The following GNAO1 variants were observed in gnomAD, a reference collection of about 807,000 sequenced individuals.
The protein encoded by GNAO1 is G protein subunit alpha o1, also known as guanine nucleotide-binding protein G(o) subunit alpha.
For synonymous variants in GNAO1, 164 were observed against 180.7 expected (o/e 0.91, Z 0.74); for missense variants, 166 against 478.7 (o/e 0.35, Z 6.10).
At chr16:56,274,528 G>T (rs1471243223) in intron 2 of GNAO1, among the ~76,000 whole-genome samples, 1 of 151,902 alleles carries the variant, frequency 6.6e-6, no homozygotes, top group East Asian at 1.9e-4. Flanking sequence ...TACGTCAACT[G>T]ATGACTGGAT....
At chr16:56,289,633 A>G (rs1303799582) in intron 3 of GNAO1, among the ~76,000 whole-genome samples, 1 of 152,210 alleles carries the variant, frequency 6.6e-6, no homozygotes, top group Non-Finnish European at 1.5e-5. Flanking sequence ...GATGGATTTC[A>G]GTAGCAGCTT....
intron 6 of GNAO1, chr16:56,347,125 G>T (rs750545247): frequency 5.5e-5 from 54 of 985,344 alleles, no homozygotes; most frequent in Non-Finnish European, 6.5e-5. Context: ...TGAGCACTCG[G>T]ACTGTTTCCT....
At chr16:56,249,765 T>A (rs1362631876) in intron 2 of GNAO1, among the ~76,000 whole-genome samples, 1 of 152,142 alleles carries the variant, frequency 6.6e-6, no homozygotes, top group East Asian at 1.9e-4. Flanking sequence ...CTGCAGCAGC[T>A]CCAGGCATTA....
intron 6 of GNAO1, among the ~76,000 whole-genome samples, chr16:56,350,596 C>T (rs1371920910): frequency 3.3e-5 from 5 of 152,178 alleles, no homozygotes; most frequent in Non-Finnish European, 7.4e-5. Flanking sequence ...CCACATCTGC[C>T]TTGCTTAGAA....
chr16:56,321,841 A>T lies in GNAO1; in HGVS notation c.304-6790A>T, dbSNP rs574476984. 2.0e-5 allele frequency among the ~76,000 whole-genome samples: 3 copies of T among 152,334 alleles called. No homozygotes were observed. In the East Asian group the frequency reaches 5.8e-4, roughly 29 times the overall value. On this transcript the variant is annotated intron_variant, in intron 3 of 8. Transcript: ENST00000262493. ...ACGCAGTGAGTTTTCTAAAGAAGTC[A>T]GCTCTAGCCGTCTGCCCCGCGTAAA...
At chr16:56,251,574 G>T (rs1430765873) in intron 2 of GNAO1, among the ~76,000 whole-genome samples, 1 of 152,194 alleles carries the variant, frequency 6.6e-6, no homozygotes, top group Non-Finnish European at 1.5e-5. Flanking sequence ...ACCCCAGGTG[G>T]TCAAGTGCAC....
intron 2 of GNAO1, among the ~76,000 whole-genome samples, chr16:56,257,176 G>C (rs572793699): frequency 6.7e-6 from 1 of 149,442 alleles, no homozygotes; most frequent in Admixed American, 6.6e-5. Context: ...GACTGGGTTT[G>C]GGGGGGGGAA....
At chr16:56,250,368 C>T (rs1308135372) in intron 2 of GNAO1, among the ~76,000 whole-genome samples, 1 of 152,168 alleles carries the variant, frequency 6.6e-6, no homozygotes, top group Non-Finnish European at 1.5e-5. Flanking sequence ...AAGCCTTGGC[C>T]AATTAGACTA....
chr16:56,217,109 G>T (rs1489062096), intron 2 of GNAO1, among the ~76,000 whole-genome samples: 3 of 152,158 alleles, frequency 2.0e-5, no homozygotes, highest in African/African-American at 4.8e-5. Context: ...TCATGTCCTG[G>T]CTATATTTTC....
chr16:56,343,965 C>T, intron 6 of GNAO1: 2 of 1,611,196 alleles, frequency 1.2e-6, no homozygotes, highest in South Asian at 1.1e-5. Context: ...AGCCGCCCTG[C>T]CCGGCACCCT....
chr16:56,208,926 G>A (rs564364311), intron 2 of GNAO1, among the ~76,000 whole-genome samples: 1 of 151,792 alleles, frequency 6.6e-6, no homozygotes, highest in South Asian at 2.1e-4. Context: ...CCCATTCCCT[G>A]GCTTGTCTTT....
chr16:56,239,124 A>G (rs1043583706), intron 2 of GNAO1, among the ~76,000 whole-genome samples: 25 of 152,264 alleles, frequency 1.6e-4, no homozygotes, highest in African/African-American at 5.5e-4. Flanking sequence ...ACAGACTCAC[A>G]TCTTGAGCAC....
At chr16:56,221,651 CAAAAAAAA>C (rs11306838) in intron 2 of GNAO1, among the ~76,000 whole-genome samples, 1 of 83,858 alleles carries the variant, frequency 1.2e-5, no homozygotes, top group Admixed American at 1.4e-4. Flanking sequence ...GACTGCATCT[CAAAAAAAA>C]AAAAAAAAAA....
chr16:56,225,987 G>C (rs1412172906), intron 2 of GNAO1, among the ~76,000 whole-genome samples: 3 of 151,910 alleles, frequency 2.0e-5, no homozygotes, highest in Non-Finnish European at 4.4e-5. Flanking sequence ...CCAAGCAGAA[G>C]GAACAGGAGT....
intron 2 of GNAO1, among the ~76,000 whole-genome samples, chr16:56,242,935 G>A (rs2036708438): frequency 6.6e-6 from 1 of 152,136 alleles, no homozygotes; most frequent in Non-Finnish European, 1.5e-5. Flanking sequence ...TGTATTTACA[G>A]CCGCTCCCTA....
intron 5 of GNAO1, chr16:56,336,434 G>A (rs1245802113): frequency 3.5e-6 from 1 of 282,034 alleles, no homozygotes; most frequent in Non-Finnish European, 6.7e-6. Flanking sequence ...CACTTCCTGG[G>A]GGTGGCTCAG....
intron 6 of GNAO1, among the ~76,000 whole-genome samples, chr16:56,348,418 C>A (rs956535862): frequency 5.9e-5 from 9 of 152,354 alleles, no homozygotes; most frequent in African/African-American, 1.9e-4. Context: ...TGCGCCGAGC[C>A]ACCTTCCTGT....
intron 2 of GNAO1, among the ~76,000 whole-genome samples, chr16:56,263,160 G>A (rs780476770): frequency 6.6e-6 from 1 of 152,220 alleles, no homozygotes; most frequent in Non-Finnish European, 1.5e-5. Flanking sequence ...TATTCAGTCC[G>A]CAAGGTGGAG....
intron 3 of GNAO1, among the ~76,000 whole-genome samples, chr16:56,280,775 A>C (rs9922112): frequency 0.3 from 44,897 of 152,032 alleles, 6,914 homozygotes; most frequent in Middle Eastern, 0.36. Context: ...GTAGAACCTC[A>C]GCCAGAAAGC....
Sources: allele counts gnomAD v4.1 joint callset (sites outside exome capture counted in the v4.1 genomes callset), GRCh38; gene constraint gnomAD v4.1.1; transcripts MANE v1.5; gene names NCBI Gene and HGNC (gene_info 2026-07-23, HGNC 2026-07-21).